The following MTHFD2 variants were observed in gnomAD, a reference collection of about 807,000 sequenced individuals.
MTHFD2 encodes bifunctional methylenetetrahydrofolate dehydrogenase/cyclohydrolase, mitochondrial.
A neutral mutation model predicts 36.8 loss-of-function variants in MTHFD2; 26 were observed. The ratio of observed to expected loss-of-function variants is 0.71; its 90% CI spans 0.52 to 0.98. MTHFD2 has a LOEUF of 0.98. Ranked by LOEUF, MTHFD2 falls within the 50% of genes least tolerant of loss-of-function variation. MTHFD2 has a pLI of 0.00. For synonymous variants in MTHFD2, 164 were observed against 155.2 expected (o/e 1.06, Z -0.42); for missense variants, 373 against 434.0 (o/e 0.86, Z 1.25).
chr2:74,199,158 GC>G (rs1204272473), intron 1 of MTHFD2, among the ~76,000 whole-genome samples: 4 of 152,220 alleles, frequency 2.6e-5, no homozygotes, highest in African/African-American at 9.6e-5. Context: ...CAAAAGAGCA[GC>G]CCTCGGCGAG....
At chr2:74,209,101 C>CAT in intron 4 of MTHFD2, among the ~76,000 whole-genome samples, 1 of 151,712 alleles carries the variant, frequency 6.6e-6, no homozygotes, top group South Asian at 2.1e-4. Flanking sequence ...TCGAACTAGG[C>CAT]CTCAGGTGAT....
intron 1 of MTHFD2, among the ~76,000 whole-genome samples, chr2:74,200,461 T>C (rs1694017127): frequency 6.6e-6 from 1 of 151,848 alleles, no homozygotes; most frequent in African/African-American, 2.4e-5. Context: ...TTCTTACTGC[T>C]GCTTATTTTT....
Position 74,214,199 on chromosome 2 carries a change from G to A in MTHFD2, c.1010G>A (p.Arg337Gln), listed in dbSNP as rs767060160. 2.5e-5 allele frequency: 41 copies of A among 1,613,952 alleles called. No individual in the cohort carries two copies. Among genetic ancestry groups the A allele is most frequent in the Non-Finnish European group, 3.4e-5 (40 of 1,179,960 alleles). Residue 337 changes from arginine (R) to glutamine (Q), a missense_variant, in exon 8 of 8, where the codon CGA becomes CAA. Around this residue, in one of 2 missense-constraint regions of MTHFD2, gnomAD observed 308 missense variants for 397.8 expected, o/e 0.77. Transcript: ENST00000394053. ...AAAAAGGTGCTGAGGCTTGAAGAGC[G>A]AGAAGTGCTGAAGTCTAAAGAGCTT... ...AAKKVLRLEEREVLKSKELGV... is the reference protein window; with the variant it reads ...AAKKVLRLEEQEVLKSKELGV...
chr2:74,200,702 A>G (rs1378789084), intron 1 of MTHFD2, among the ~76,000 whole-genome samples: 1 of 152,190 alleles, frequency 6.6e-6, no homozygotes, highest in Non-Finnish European at 1.5e-5. Context: ...CCTCAGTTTC[A>G]TCTTCTGTAT....
At chr2:74,203,759 C>T (rs935986324) in intron 1 of MTHFD2, among the ~76,000 whole-genome samples, 2 of 152,100 alleles carry the variant, frequency 1.3e-5, no homozygotes, top group Admixed American at 6.6e-5. Context: ...GAGGTTAGAG[C>T]AGTCTTCATG....
At chr2:74,207,896 C>T in intron 3 of MTHFD2, 70 bp downstream of exon 3, 1 of 1,455,792 alleles carries the variant, frequency 6.9e-7, no homozygotes, top group East Asian at 2.3e-5. Context: ...CCCTCTCTCT[C>T]TCCCTCCCCA....
At position 74,207,557 on chromosome 2, in the gene MTHFD2, AC is replaced by A. The variant is rs780464270; in HGVS notation, c.287-146del. The A allele has an allele frequency of 1.6e-3, 1,002 of 640,266 alleles. 3 individuals are homozygous for A. Among genetic ancestry groups the A allele is most frequent in the Non-Finnish European group, 2.4e-3 (892 of 378,456 alleles). 39.7% of individuals were successfully genotyped at this position (640,266 alleles called of 1,614,324 possible). A position where few individuals can be genotyped will look rare whatever the true frequency, so the allele number is the denominator to read the frequency against. On this transcript the variant is annotated intron_variant, in intron 2 of 7. Transcript: ENST00000394053. Reference sequence around the variant, plus strand: ...CTCTGGTGTATATATTTGTGAAGTTACTTTTTTAGGTTCCTTGAGCTACTTC... The same window carrying A: ...CTCTGGTGTATATATTTGTGAAGTTATTTTTTAGGTTCCTTGAGCTACTTC...
rs1308795616 is a variant in MTHFD2, at chr2:74,198,708, C to T, written c.67C>T (p.Leu23Phe). 8.1e-6 allele frequency: 13 copies of T among 1,611,244 alleles called. No individual in the cohort carries two copies. The highest frequency in any genetic ancestry group is 1.1e-5 in the South Asian group (1 of 90,834). ...RLLQPAHSCS[L>F]RLRPFHLAAV... ...GCTGCAGCCCGCGCACAGCTGCTCCCTTCGCCTTCGCCCTTTCCACCTCGC... is the reference window on the plus strand; with the variant it reads ...GCTGCAGCCCGCGCACAGCTGCTCCTTTCGCCTTCGCCCTTTCCACCTCGC... Residue 23 changes from leucine (L) to phenylalanine (F), a missense_variant, in exon 1 of 8, where the codon CTT (leucine) becomes TTT (phenylalanine). By Grantham distance (22) the Leu-to-Phe change is conservative. Around this residue, in one of 2 missense-constraint regions of MTHFD2, gnomAD observed 65 missense variants for 36.1 expected, o/e 1.80. Coordinates refer to ENST00000394053, the MANE Select transcript of MTHFD2 (RefSeq NM_006636.4).
At position 74,210,068 on chromosome 2, in the gene MTHFD2, G is replaced by A; in HGVS notation, c.670+19G>A. On this transcript the variant is annotated intron_variant, in intron 5 of 7. Transcript: ENST00000394053. The stretch of plus-strand genomic sequence containing the variant: ...CCCGGAGGTAAGGAAATTGCTTTCA[G>A]GGAACACTGTCCTTTTTTCCCCATG... 9 of 1,596,976 alleles carry A rather than the reference G, an allele frequency of 5.6e-6. No individual in the cohort carries two copies. Among genetic ancestry groups the A allele is most frequent in the Non-Finnish European group, 7.7e-6 (9 of 1,167,992 alleles).
rs190668830 is a variant in MTHFD2, at chr2:74,204,609, G to C, written c.102-1096G>C. Among the ~76,000 whole-genome samples the C allele has an allele frequency of 2.6e-3, 394 of 152,302 alleles. 1 individual carries two copies. Among genetic ancestry groups the C allele is most frequent in the Non-Finnish European group, 3.6e-3 (244 of 68,028 alleles). On this transcript the variant is annotated intron_variant, in intron 1 of 7. Coordinates refer to ENST00000394053, the MANE Select transcript of MTHFD2 (RefSeq NM_006636.4). ...TTTGCGCCAACTGGACCACTGGCCA[G>C]CCTAGAGATTGTTGCCCTTGGCGTC...
chr2:74,214,016 A>G (rs1359260268), intron 7 of MTHFD2, 63 bp from the exon 8 acceptor site: 1 of 1,515,198 alleles, frequency 6.6e-7, no homozygotes, highest in Non-Finnish European at 8.9e-7. Flanking sequence ...TTAATAATAT[A>G]TTAAAGTACA....
Position 74,205,844 on chromosome 2 carries a change from A to G in MTHFD2, c.241A>G (p.Ser81Gly), listed in dbSNP as rs761947149. Residue 81 changes from serine to glycine, a missense_variant, in exon 2 of 8, where the codon AGT (serine) becomes GGT (glycine). This residue lies in a region of MTHFD2 where 308 missense variants were observed against 397.8 expected (regional missense o/e 0.77). Coordinates refer to ENST00000394053, the MANE Select transcript of MTHFD2 (RefSeq NM_006636.4). ...SVILVGENPA[S>G]HSYVLNKTRA... Reference sequence around the variant, plus strand: ...GATCCTGGTTGGCGAGAATCCTGCAAGTCACTCCTATGTCCTCAACAAAAC... The same window carrying G: ...GATCCTGGTTGGCGAGAATCCTGCAGGTCACTCCTATGTCCTCAACAAAAC... 117 of 1,613,748 alleles carry G rather than the reference A, an allele frequency of 7.3e-5. No individual in the cohort carries two copies. Among genetic ancestry groups the G allele is most frequent in the Non-Finnish European group, 9.9e-5 (117 of 1,180,014 alleles).
chr2:74,213,676 TTA>T (rs1694362089), intron 7 of MTHFD2, among the ~76,000 whole-genome samples: 1 of 152,064 alleles, frequency 6.6e-6, no homozygotes. Flanking sequence ...CACTTTAACA[TTA>T]GGTTAATTTT....
intron 1 of MTHFD2, among the ~76,000 whole-genome samples, chr2:74,199,258 T>C (rs1382067674): frequency 1.3e-5 from 2 of 151,996 alleles, no homozygotes; most frequent in South Asian, 4.2e-4. Flanking sequence ...CGCGCCGCCC[T>C]CCTCCCTCCG....
chr2:74,203,618 ACT>A (rs1290521093), intron 1 of MTHFD2, among the ~76,000 whole-genome samples: 1 of 152,044 alleles, frequency 6.6e-6, no homozygotes, highest in Non-Finnish European at 1.5e-5. Context: ...ACAGAGCAAG[ACT>A]CTGTCTCAAA....
Position 74,215,415 on chromosome 2 carries a change from T to TTTC in MTHFD2, c.*1178_*1180dup, listed in dbSNP as rs1694416013. 2 of 151,332 alleles carry TTTC rather than the reference T, an allele frequency of 1.3e-5. No homozygotes were observed. Among genetic ancestry groups the TTTC allele is most frequent in the Non-Finnish European group, 2.9e-5 (2 of 68,098 alleles). 9.4% of individuals were successfully genotyped at this position (151,332 alleles called of 1,614,324 possible). ...CTATAGCCTTAAATAGATAATTTTT[T>TTTC]TTCTTCTATTTTTTTTTTTTTTTTT... On this transcript the variant is annotated 3_prime_UTR_variant, in exon 8 of 8. Transcript: ENST00000394053.
At position 74,198,670 on chromosome 2, in the gene MTHFD2, TGGCTGCCC is replaced by T; in HGVS notation, c.36_43del (p.Arg13AlafsTer21). ...GCTGCGACTTCTCTAATGTCTGCTTTGGCTGCCCGGCTGCTGCAGCCCGCGCACAGCTG... is the reference window on the plus strand; with the variant it reads ...GCTGCGACTTCTCTAATGTCTGCTTTGGCTGCTGCAGCCCGCGCACAGCTG... On this transcript the variant is annotated frameshift_variant, in exon 1 of 8. Coordinates refer to ENST00000394053, the MANE Select transcript of MTHFD2 (RefSeq NM_006636.4). LOFTEE classifies it high-confidence loss of function. 6.2e-7 allele frequency: 1 copy of T among 1,611,276 alleles called. No individual in the cohort carries two copies. The highest frequency in any genetic ancestry group is 8.5e-7 in the Non-Finnish European group (1 of 1,178,968).
intron 3 of MTHFD2, 42 bp downstream of exon 3, chr2:74,207,868 G>T (rs931063971): frequency 6.5e-7 from 1 of 1,548,522 alleles, no homozygotes; most frequent in South Asian, 1.2e-5. Flanking sequence ...TGCTGCTTCT[G>T]CTCCTTTCCC....
chr2:74,210,851 A>G (rs986948120), intron 5 of MTHFD2, among the ~76,000 whole-genome samples: 7 of 145,352 alleles, frequency 4.8e-5, no homozygotes, highest in East Asian at 2.2e-4. Context: ...CAGTGGCACA[A>G]TCTTGGCTCA....
Sources: gnomAD v4.1 joint callset for allele counts (sites outside exome capture counted in the v4.1 genomes callset) on GRCh38, gnomAD v4.1.1 for gene constraint, gnomAD v4.1.1 regional missense constraint, MANE v1.5 for transcripts, NCBI Gene and HGNC (gene_info 2026-07-23, HGNC 2026-07-21) for gene names.